Variants in RAB8B observed in about 807,000 individuals in gnomAD.
The protein encoded by RAB8B is ras-related protein Rab-8B.
RAB8B carries 11 observed loss-of-function variants against 32.0 expected under a neutral mutation model. The observed-to-expected ratio is 0.34, with a 90% confidence interval of 0.22 to 0.57. RAB8B has a LOEUF of 0.57. Among genes scored for constraint, RAB8B ranks in the 20% least tolerant of loss-of-function variants. The pLI, the probability that RAB8B is intolerant of heterozygous loss-of-function variation, is 0.86. For synonymous variants in RAB8B, 103 were observed against 89.6 expected (o/e 1.15, Z -0.85); for missense variants, 190 against 258.5 (o/e 0.73, Z 1.82).
chr15:63,233,915 C>A (rs943693098), intron 1 of RAB8B, among the ~76,000 whole-genome samples: 1 of 152,024 alleles, frequency 6.6e-6, no homozygotes, highest in East Asian at 1.9e-4. Flanking sequence ...GTGAGTAAAC[C>A]CAGCATTGAA....
chr15:63,237,758 T>C (rs1262515706), intron 1 of RAB8B, among the ~76,000 whole-genome samples: 1 of 152,200 alleles, frequency 6.6e-6, no homozygotes, highest in Non-Finnish European at 1.5e-5. Context: ...TTTGTTCATT[T>C]TTGCATTGGT....
chr15:63,215,334 T>G (rs2037783794), intron 1 of RAB8B, among the ~76,000 whole-genome samples: 1 of 152,246 alleles, frequency 6.6e-6, no homozygotes, highest in African/African-American at 2.4e-5. Flanking sequence ...AAAAATTGTC[T>G]TGATATTTTT....
intron 3 of RAB8B, among the ~76,000 whole-genome samples, chr15:63,250,854 C>T (rs1567020151): frequency 1.3e-5 from 2 of 151,104 alleles, no homozygotes; most frequent in Non-Finnish European, 2.9e-5. Flanking sequence ...TACCAGCTGC[C>T]GTCATTCCCA....
At chr15:63,219,453 T>G (rs2037825191) in intron 1 of RAB8B, among the ~76,000 whole-genome samples, 3 of 151,702 alleles carry the variant, frequency 2.0e-5, no homozygotes. Flanking sequence ...ACCAACTTTT[T>G]TTTTTTTTTT....
chr15:63,262,797 GA>G, intron 7 of RAB8B, 55 bp downstream of exon 7: 1 of 865,780 alleles, frequency 1.2e-6, no homozygotes. Context: ...GGCATTTGAT[GA>G]AAAGGATAGG....
chr15:63,232,087 A>G (rs2037940892), intron 1 of RAB8B, among the ~76,000 whole-genome samples: 1 of 152,198 alleles, frequency 6.6e-6, no homozygotes, highest in African/African-American at 2.4e-5. Flanking sequence ...TTGTTTCTGC[A>G]TACTTTACCT....
chr15:63,197,345 T>C (rs924829390), intron 1 of RAB8B, among the ~76,000 whole-genome samples: 23 of 146,490 alleles, frequency 1.6e-4, no homozygotes, highest in Non-Finnish European at 2.5e-4. Context: ...TTCTTTTTTT[T>C]TTTCTTTCTT....
chr15:63,224,293 G>T (rs1281173183), intron 1 of RAB8B, among the ~76,000 whole-genome samples: 1 of 152,176 alleles, frequency 6.6e-6, no homozygotes, highest in Non-Finnish European at 1.5e-5. Context: ...AGATATTTAT[G>T]TATATTTAAA....
At chr15:63,236,697 A>G (rs765112796) in intron 1 of RAB8B, among the ~76,000 whole-genome samples, 6 of 152,226 alleles carry the variant, frequency 3.9e-5, no homozygotes, top group Non-Finnish European at 7.3e-5. Flanking sequence ...ATGAGTAATA[A>G]TAATCACATC....
chr15:63,241,846 T>C (rs1224814960), intron 1 of RAB8B, among the ~76,000 whole-genome samples: 1 of 151,986 alleles, frequency 6.6e-6, no homozygotes, highest in Non-Finnish European at 1.5e-5. Flanking sequence ...TAAATCACAA[T>C]AAAAATCAAT....
At position 63,259,117 on chromosome 15, in the gene RAB8B, T is replaced by TTTTA. The variant is rs1007338413; in HGVS notation, c.415-494_415-491dup. Among the ~76,000 whole-genome samples the TTTTA allele has an allele frequency of 2.6e-5, 4 of 151,820 alleles. No homozygotes were observed. Among genetic ancestry groups the TTTTA allele is most frequent in the South Asian group, 4.2e-4 (2 of 4,812 alleles). On this transcript the variant is annotated intron_variant, in intron 5 of 7. Coordinates refer to ENST00000321437, the MANE Select transcript of RAB8B (RefSeq NM_016530.3). The surrounding 1 kb of genome is among the most constrained non-coding windows in gnomAD (Gnocchi z 4.4). Reference sequence around the variant, plus strand: ...AGAAGTACTTAAATTATTATTATTATTTTATTTATTTATTTATTTTGAGAC... The same window carrying TTTTA: ...AGAAGTACTTAAATTATTATTATTATTTTATTTATTTATTTATTTATTTTGAGAC...
intron 1 of RAB8B, among the ~76,000 whole-genome samples, chr15:63,202,847 G>A (rs1314734505): frequency 6.6e-6 from 1 of 152,226 alleles, no homozygotes; most frequent in African/African-American, 2.4e-5. Flanking sequence ...ATTTGTTTAA[G>A]TCTCCATAAT....
intron 1 of RAB8B, among the ~76,000 whole-genome samples, chr15:63,213,062 C>T (rs1567011159): frequency 6.6e-6 from 1 of 152,172 alleles, no homozygotes; most frequent in African/African-American, 2.4e-5. Flanking sequence ...TCCCTTCTTT[C>T]CTCCCTTCCT....
chr15:63,215,393 G>T (rs751644474), intron 1 of RAB8B, among the ~76,000 whole-genome samples: 5 of 152,158 alleles, frequency 3.3e-5, no homozygotes, highest in East Asian at 3.9e-4. Flanking sequence ...ACTGCCTTCT[G>T]GTCAATAACA....
At chr15:63,234,181 C>T (rs779998353) in intron 1 of RAB8B, among the ~76,000 whole-genome samples, 2 of 152,026 alleles carry the variant, frequency 1.3e-5, no homozygotes, top group Non-Finnish European at 2.9e-5. Context: ...CAGCACCCAC[C>T]GGCCAAAATG....
At chr15:63,211,758 T>C (rs371264231) in intron 1 of RAB8B, among the ~76,000 whole-genome samples, 6 of 152,328 alleles carry the variant, frequency 3.9e-5, no homozygotes, top group East Asian at 1.9e-4. Flanking sequence ...TAGATATTGA[T>C]AGACATCTCA....
chr15:63,201,942 G>T (rs957360995), intron 1 of RAB8B, among the ~76,000 whole-genome samples: 4 of 151,954 alleles, frequency 2.6e-5, no homozygotes, highest in African/African-American at 9.7e-5. Context: ...CATAGGACCA[G>T]CCCCTTTCAG....
rs1408674162 is a variant in RAB8B at position 63,259,539 on chromosome 15, T to C, written c.415-88T>C. 1.7e-6 allele frequency: 2 copies of C among 1,177,312 alleles called. No homozygotes were observed. The highest frequency in any genetic ancestry group is 2.5e-6 in the Non-Finnish European group (2 of 808,312). 72.9% of individuals were successfully genotyped at this position (1,177,312 alleles called of 1,614,324 possible). On this transcript the variant is annotated intron_variant, in intron 5 of 7. Coordinates refer to ENST00000321437, the MANE Select transcript of RAB8B (RefSeq NM_016530.3). This position sits in a 1 kb window ranked among gnomAD's most constrained non-coding sequence, Gnocchi z 4.4. ...GAGTTCTGAAATAGATACCCTACCT[T>C]TGAGACTTTGAAAAACCTAAGAAAT...
At chr15:63,194,476 CTG>C (rs1352687821) in intron 1 of RAB8B, among the ~76,000 whole-genome samples, 2 of 152,358 alleles carry the variant, frequency 1.3e-5, no homozygotes, top group Admixed American at 6.5e-5. Context: ...TACAATGACT[CTG>C]AGTTCTGTTG....
Sources: gnomAD v4.1 joint callset for allele counts (sites outside exome capture counted in the v4.1 genomes callset) on GRCh38, gnomAD v4.1.1 for gene constraint, Gnocchi (gnomAD v3.1) non-coding constraint, MANE v1.5 for transcripts, NCBI Gene and HGNC (gene_info 2026-07-23, HGNC 2026-07-21) for gene names.